The following BCAS4 variants were observed in gnomAD, a reference collection of about 807,000 sequenced individuals.
The protein encoded by BCAS4 is breast carcinoma amplified sequence 4, also known as breast carcinoma-amplified sequence 4.
BCAS4 carries 9 observed loss-of-function variants against 15.7 expected under a neutral mutation model. The observed-to-expected ratio is 0.57, with a 90% CI of 0.34 to 1.00. The LOEUF (loss-of-function observed/expected upper bound fraction) is 1.00, where lower values mean the gene tolerates loss of function less well. BCAS4 is among the 50% of genes least tolerant of loss of function. BCAS4 has a pLI of 0.02. For synonymous variants in BCAS4, 101 were observed against 99.5 expected (o/e 1.02, Z -0.09); for missense variants, 225 against 239.1 (o/e 0.94, Z 0.39).
intron 2 of BCAS4, among the ~76,000 whole-genome samples, chr20:50,821,371 A>G (rs2088214764): frequency 6.6e-6 from 1 of 152,248 alleles, no homozygotes; most frequent in South Asian, 2.1e-4. Context: ...TTGAGCTTAC[A>G]GCCCCTGCAT....
chr20:50,798,312 C>A (rs528164310), intron 1 of BCAS4, among the ~76,000 whole-genome samples: 67 of 151,130 alleles, frequency 4.4e-4, no homozygotes, highest in African/African-American at 8.7e-4. Flanking sequence ...AACAAACAAA[C>A]AAAAAAAACC....
At chr20:50,810,892 G>T (rs1017338283) in intron 1 of BCAS4, among the ~76,000 whole-genome samples, 2 of 151,898 alleles carry the variant, frequency 1.3e-5, no homozygotes, top group African/African-American at 2.4e-5. Context: ...GCCCGGCCAT[G>T]AAAAAAATAG....
intron 3 of BCAS4, among the ~76,000 whole-genome samples, chr20:50,837,698 C>T (rs1184723435): frequency 6.6e-6 from 1 of 152,220 alleles, no homozygotes; most frequent in Admixed American, 6.5e-5. Context: ...GCCCAGGTTT[C>T]AGCCTCTCTG....
At chr20:50,844,309 C>T (rs2088517748) in intron 4 of BCAS4, among the ~76,000 whole-genome samples, 1 of 152,108 alleles carries the variant, frequency 6.6e-6, no homozygotes, top group African/African-American at 2.4e-5. Flanking sequence ...TGGCATGCAC[C>T]TGTGGCCCTA....
Position 50,795,171 on chromosome 20 carries a change from G to A in BCAS4, c.88G>A (p.Glu30Lys), listed in dbSNP as rs1447627491. 8 of 1,448,012 alleles carry A rather than the reference G, an allele frequency of 5.5e-6. No homozygotes were observed. Among genetic ancestry groups the A allele is most frequent in the Non-Finnish European group, 7.3e-6 (8 of 1,094,698 alleles). The allele number at this position is 1,448,012 out of a possible 1,614,324, so 89.7% of individuals were successfully genotyped here. Residue 30 changes from glutamate to lysine, a missense_variant and splice_region_variant, in exon 1 of 5, where the codon GAG (glutamate) becomes AAG (lysine). Transcript: ENST00000371608. ...ALFLTPEPGA[E>K]AKEVEETIEG... Reference sequence around the variant, plus strand: ...CTTCCTGACCCCCGAGCCTGGGGCCGAGGTAGGGGACGGGGCTGTGGAGTT... The same window carrying A: ...CTTCCTGACCCCCGAGCCTGGGGCCAAGGTAGGGGACGGGGCTGTGGAGTT...
intron 4 of BCAS4, among the ~76,000 whole-genome samples, chr20:50,871,530 A>G (rs1979644457): frequency 6.6e-6 from 1 of 152,324 alleles, no homozygotes; most frequent in Non-Finnish European, 1.5e-5. Context: ...CAGGACTCTT[A>G]GTTACAAGCA....
chr20:50,864,500 G>A lies in BCAS4; in HGVS notation c.400-11986G>A, dbSNP rs560874631. Among the ~76,000 whole-genome samples the A allele has an allele frequency of 2.1e-5, 3 of 145,746 alleles. No individual in the cohort carries two copies. The South Asian group carries it at 6.6e-4, about 32-fold the overall frequency. ...GTCACCCAGGCTGGAGTGCAGTGGT[G>A]TGATCTCAGCTCACTCTAACCTCCA... On this transcript the variant is annotated intron_variant, in intron 4 of 4. Transcript: ENST00000371608.
chr20:50,863,744 T>G (rs538691538), intron 4 of BCAS4, among the ~76,000 whole-genome samples: 3 of 152,302 alleles, frequency 2.0e-5, no homozygotes, highest in East Asian at 1.9e-4. Context: ...ATCTGGAGGT[T>G]GGACACTGAC....
intron 3 of BCAS4, among the ~76,000 whole-genome samples, chr20:50,833,269 A>G (rs2088365726): frequency 6.6e-6 from 1 of 152,200 alleles, no homozygotes; most frequent in Admixed American, 6.5e-5. Flanking sequence ...AGAAACTGGC[A>G]GCAGCAGCCA....
intron 4 of BCAS4, among the ~76,000 whole-genome samples, chr20:50,845,917 G>C (rs534500132): frequency 6.6e-6 from 1 of 152,214 alleles, no homozygotes; most frequent in African/African-American, 2.4e-5. Flanking sequence ...ACTTGGTGCT[G>C]GTGTGGACAT....
At chr20:50,838,689 A>G (rs904509049) in intron 3 of BCAS4, among the ~76,000 whole-genome samples, 3 of 152,124 alleles carry the variant, frequency 2.0e-5, no homozygotes, top group African/African-American at 7.2e-5. Context: ...TACTAAAAAT[A>G]CAAAATTAGC....
rs200839079 is a variant in BCAS4, at chr20:50,823,630, TG to T, written c.162+5351del. On this transcript the variant is annotated intron_variant, in intron 2 of 4. Transcript: ENST00000371608. ...TGAGCTCAGGAGTTTGAGACCAGCC[TG>T]GGCAACATAGGGAGACCCCATCTTT... 4.6e-4 allele frequency among the ~76,000 whole-genome samples: 70 copies of T among 152,274 alleles called. 1 individual carries two copies. The East Asian group carries it at 9.4e-3, about 21-fold the overall frequency.
chr20:50,815,214 T>C (rs867199631), intron 1 of BCAS4, among the ~76,000 whole-genome samples: 16 of 152,178 alleles, frequency 1.1e-4, no homozygotes, highest in African/African-American at 3.9e-4. Context: ...CGCCGTGCCC[T>C]TCCTGAGCAG....
At chr20:50,817,568 T>C (rs1050244672) in intron 1 of BCAS4, among the ~76,000 whole-genome samples, 2 of 152,126 alleles carry the variant, frequency 1.3e-5, no homozygotes, top group Non-Finnish European at 2.9e-5. Flanking sequence ...GTTCAAGCGA[T>C]TCTCCTGCCT....
chr20:50,796,962 C>T (rs1215410267), intron 1 of BCAS4, among the ~76,000 whole-genome samples: 1 of 151,974 alleles, frequency 6.6e-6, no homozygotes, highest in Non-Finnish European at 1.5e-5. Context: ...TCCCGCATAG[C>T]CAGGACCACA....
chr20:50,848,125 G>A (rs1233620724), intron 4 of BCAS4, among the ~76,000 whole-genome samples: 2 of 151,844 alleles, frequency 1.3e-5, no homozygotes, highest in Admixed American at 1.3e-4. Context: ...GCATGGTAGT[G>A]CGTGCCTGTG....
intron 4 of BCAS4, among the ~76,000 whole-genome samples, chr20:50,866,931 C>T (rs935780755): frequency 1.3e-5 from 2 of 152,120 alleles, no homozygotes; most frequent in Admixed American, 6.6e-5. Context: ...CAGGTCCCAT[C>T]GCGGGCCGGG....
chr20:50,868,193 G>C (rs1448710412), intron 4 of BCAS4, among the ~76,000 whole-genome samples: 1 of 152,114 alleles, frequency 6.6e-6, no homozygotes, highest in Non-Finnish European at 1.5e-5. Flanking sequence ...GCTGGACGTG[G>C]GTCACCTGGC....
At chr20:50,875,396 G>C (rs1366587102) in intron 4 of BCAS4, among the ~76,000 whole-genome samples, 5 of 152,172 alleles carry the variant, frequency 3.3e-5, no homozygotes, top group African/African-American at 1.2e-4. Flanking sequence ...TCTTAAAATG[G>C]TTTTGTTTTT....
Sources: allele counts gnomAD v4.1 joint callset (sites outside exome capture counted in the v4.1 genomes callset), GRCh38; gene constraint gnomAD v4.1.1; transcripts MANE v1.5; gene names NCBI Gene and HGNC (gene_info 2026-07-23, HGNC 2026-07-21).